The following MYO15A variants were observed in gnomAD, a reference collection of about 807,000 sequenced individuals.
The protein encoded by MYO15A is myosin XVA.
MYO15A carries 308 observed loss-of-function variants against 394.6 expected under a neutral mutation model. That is an observed-to-expected ratio of 0.78 (90% CI 0.71 to 0.86). The LOEUF (loss-of-function observed/expected upper bound fraction) is 0.86, where lower values mean the gene tolerates loss of function less well. MYO15A is among the 40% of genes least tolerant of loss of function. MYO15A has a pLI of 0.00. For missense variants in MYO15A, 4,606 were observed against 4,799.1 expected (o/e 0.96, Z 1.19); for synonymous variants, 1,957 against 2,003.8 (o/e 0.98, Z 0.62).
intron 1 of MYO15A, 122 bp downstream of exon 1, chr17:18,108,946 G>A (rs1268505042): frequency 6.6e-6 from 1 of 152,520 alleles, no homozygotes; most frequent in Non-Finnish European, 1.5e-5. Context: ...AACTCATCTT[G>A]AGGCCCTTCT....
At chr17:18,133,794 T>TGGG (rs2046213289) in intron 12 of MYO15A, among the ~76,000 whole-genome samples, 1 of 151,340 alleles carries the variant, frequency 6.6e-6, no homozygotes, top group African/African-American at 2.4e-5. Flanking sequence ...CTGCCTGGGA[T>TGGG]TACAGGCACA....
In MYO15A at chr17:18,179,164, AT is replaced by A. The variant is rs1055317808; in HGVS notation, c.*296del. ...CCATGAGGCCTCCTGCCATGTACCC[AT>A]TGCAGACCCTGCCCCTAACTCCTGC... On this transcript the variant is annotated 3_prime_UTR_variant, in exon 66 of 66. Transcript: ENST00000647165. 2.2e-5 allele frequency: 11 copies of A among 506,056 alleles called. No homozygotes were observed. In the Admixed American group the frequency reaches 2.6e-4, roughly 12 times the overall value. The allele number at this position is 506,056 out of a possible 1,614,324, so 31.3% of individuals were successfully genotyped here. A position where few individuals can be genotyped will look rare whatever the true frequency, so the allele number is the denominator to read the frequency against.
intron 64 of MYO15A, among the ~76,000 whole-genome samples, chr17:18,172,975 G>C (rs1032952453): frequency 2.6e-5 from 4 of 152,156 alleles, no homozygotes; most frequent in Non-Finnish European, 1.5e-5. Context: ...TAGACCCTGC[G>C]ACAGGGATTC....
In MYO15A at chr17:18,163,261, G is replaced by A. The variant is rs757150570; in HGVS notation, c.9630G>A (p.Lys3210=). The A allele has an allele frequency of 6.2e-7, 1 of 1,614,210 alleles. No individual in the cohort carries two copies. The highest frequency in any genetic ancestry group is 1.1e-5 in the South Asian group (1 of 91,084). The part of the protein sequence containing the change: ...LRAMLAGRSS[K]RQLFLLPGGL... ...TACCCCAGGCAGGCCGCAGTTCCAA[G>A]AGGCAACTCTTTCTTCTTCCTGGAG... The change falls in exon 59 of 66, where the codon AAG becomes AAA. Residue 3210 remains lysine (K), a synonymous_variant. Transcript: ENST00000647165.
chr17:18,178,601 C>T, intron 65 of MYO15A, 168 bp from the exon 66 acceptor site: 2 of 728,584 alleles, frequency 2.7e-6, no homozygotes, highest in Non-Finnish European at 4.9e-6. Context: ...ATTCGGCCTT[C>T]CAGCTCTTCA....
At chr17:18,143,415 A>G in intron 25 of MYO15A, 151 bp from the exon 26 acceptor site, 1 of 859,882 alleles carries the variant, frequency 1.2e-6, no homozygotes, top group Non-Finnish European at 1.9e-6. Flanking sequence ...CTCCCGCCCC[A>G]CCTGTGGAGT....
intron 62 of MYO15A, among the ~76,000 whole-genome samples, chr17:18,168,567 CAAAA>C (rs769813064): frequency 2.0e-5 from 2 of 98,558 alleles, no homozygotes; most frequent in Admixed American, 1.0e-4. Flanking sequence ...GACTCCGTCT[CAAAA>C]AAAAAAAAAG....
At position 18,136,596 on chromosome 17, in the gene MYO15A, G is replaced by C. The variant is rs770289681; in HGVS notation, c.4689G>C (p.Leu1563=). 4 of 1,614,014 alleles carry C rather than the reference G, an allele frequency of 2.5e-6. No individual in the cohort carries two copies. Among genetic ancestry groups the C allele is most frequent in the Admixed American group, 1.7e-5 (1 of 60,030 alleles). Residue 1563 remains leucine (L), a synonymous_variant, in exon 15 of 66, where the codon CTG becomes CTC. Transcript: ENST00000647165. ...DAIAKVLYAL[L]FSWLITRVNA... ...TCGCCAAGGTCTTGTATGCACTGCT[G>C]TTCAGCTGGCTCATCACCAGGGTCA...
chr17:18,163,998 C>G (rs528714941), intron 60 of MYO15A, 160 bp downstream of exon 60: 1 of 726,880 alleles, frequency 1.4e-6, no homozygotes, highest in African/African-American at 1.7e-5. Context: ...GTACCAAGCA[C>G]GCCCAGCCCT....
chr17:18,136,390 T>C, intron 13 of MYO15A, 27 bp from the exon 14 acceptor site: 1 of 1,613,344 alleles, frequency 6.2e-7, no homozygotes, highest in Non-Finnish European at 8.5e-7. Context: ...CAGCCTGATG[T>C]CACTCAAGGG....
intron 64 of MYO15A, 108 bp downstream of exon 64, chr17:18,172,398 ACC>A: frequency 6.8e-7 from 1 of 1,481,156 alleles, no homozygotes; most frequent in Non-Finnish European, 9.4e-7. Context: ...TCCACTGCTT[ACC>A]ACCTTCATGA....
intron 7 of MYO15A, among the ~76,000 whole-genome samples, chr17:18,128,902 G>A (rs2046102031): frequency 6.6e-6 from 1 of 152,266 alleles, no homozygotes; most frequent in Middle Eastern, 3.4e-3. Context: ...CAGGCACACA[G>A]AATGTGTGAG....
intron 62 of MYO15A, 59 bp from the exon 63 acceptor site, chr17:18,171,579 G>A: frequency 6.2e-7 from 1 of 1,612,668 alleles, no homozygotes; most frequent in South Asian, 1.1e-5. Flanking sequence ...GCTGCACAGT[G>A]AGGATTGCCT....
intron 21 of MYO15A, 72 bp from the exon 22 acceptor site, chr17:18,140,947 T>C: frequency 1.2e-6 from 2 of 1,612,846 alleles, no homozygotes. Context: ...GCACTGGGAA[T>C]ATTCACCATG....
At position 18,120,346 on chromosome 17, in the gene MYO15A, G is replaced by C; in HGVS notation, c.1546G>C (p.Glu516Gln). 6.2e-7 allele frequency: 1 copy of C among 1,612,258 alleles called. No homozygotes were observed. The highest frequency in any genetic ancestry group is 8.5e-7 in the Non-Finnish European group (1 of 1,179,974). ...GGGGGATGCGGACGAAGAAGAGGAC[G>C]AGGAGGAGCTGCCCCCGGTTTCCGC... Reference protein sequence around the residue: ...PLGDADEEEDEEELPPVSAVP... With the variant: ...PLGDADEEEDQEELPPVSAVP... The change falls in exon 2 of 66, where the codon GAG becomes CAG. Residue 516 changes from glutamate to glutamine, a missense_variant. Glu to Gln is a conservative substitution (Grantham distance 29). Coordinates refer to ENST00000647165, the MANE Select transcript of MYO15A (RefSeq NM_016239.4).
chr17:18,145,847 C>A (rs1261952820), intron 29 of MYO15A, 25 bp from the exon 30 acceptor site: 2 of 1,609,962 alleles, frequency 1.2e-6, no homozygotes, highest in Admixed American at 1.7e-5. Context: ...TCTGAGATGC[C>A]CAGGAGACTC....
chr17:18,133,237 G>A lies in MYO15A; in HGVS notation c.4333G>A (p.Glu1445Lys). Residue 1445 changes from glutamate (E) to lysine (K), a missense_variant, in exon 12 of 66, where the codon GAG (glutamate) becomes AAG (lysine). Around this residue, in one of 2 missense-constraint regions of MYO15A, gnomAD observed 2,776 missense variants for 3,109.3 expected, o/e 0.89. Coordinates refer to ENST00000647165, the MANE Select transcript of MYO15A (RefSeq NM_016239.4). ...TGCCCTCATGCAGGGTGGGAACTGT[G>A]AGATAGCAGGAAAGAGCGATGCAGA... ...YYYLNQGGNC[E>K]IAGKSDADDF... 1.2e-6 allele frequency: 2 copies of A among 1,614,134 alleles called. No homozygotes were observed. The highest frequency in any genetic ancestry group is 1.7e-6 in the Non-Finnish European group (2 of 1,180,008).
chr17:18,148,414 T>G lies in MYO15A; in HGVS notation c.6692-82T>G. ...AGTGAGGCTACAGATACAGGAAGCC[T>G]GAAAGGAAGAAGCAAGCAGGGAGGC... On this transcript the variant is annotated intron_variant, in intron 31 of 65. Transcript: ENST00000647165. The surrounding 1 kb of genome is among the most constrained non-coding windows in gnomAD (Gnocchi z 4.8). 1 of 1,521,454 alleles carries G rather than the reference T, an allele frequency of 6.6e-7. No individual in the cohort carries two copies. Among genetic ancestry groups the G allele is most frequent in the Non-Finnish European group, 8.9e-7 (1 of 1,122,148 alleles). 94.2% of individuals were successfully genotyped at this position (1,521,454 alleles called of 1,614,324 possible). A position where few individuals can be genotyped will look rare whatever the true frequency, so the allele number is the denominator to read the frequency against.
rs73980803 is a variant in MYO15A at position 18,130,888 on chromosome 17, G to A, written c.4038+78G>A. On this transcript the variant is annotated intron_variant, in intron 8 of 65. Transcript: ENST00000647165. ...TGTGTGTGTCTGTCCAGGAAAATGC[G>A]TGTGGATGTGCCTGCTCCTGTGTGG... 1.0e-3 allele frequency: 1,490 copies of A among 1,439,226 alleles called. 11 individuals carry two copies. The African/African-American group carries it at 0.015, about 14-fold the overall frequency. The allele number at this position is 1,439,226 out of a possible 1,614,324, so 89.2% of individuals were successfully genotyped here.
Sources: allele counts gnomAD v4.1 joint callset (sites outside exome capture counted in the v4.1 genomes callset), GRCh38; gene constraint gnomAD v4.1.1; regional missense constraint gnomAD v4.1.1; non-coding constraint Gnocchi (gnomAD v3.1); transcripts MANE v1.5; gene names NCBI Gene and HGNC (gene_info 2026-07-23, HGNC 2026-07-21).